Variants in HIVEP3 observed in about 807,000 individuals in gnomAD.
The protein encoded by HIVEP3 is HIVEP zinc finger 3.
A neutral mutation model predicts 152.8 loss-of-function variants in HIVEP3; 49 were observed. The ratio of observed to expected loss-of-function variants is 0.32; its 90% CI spans 0.26 to 0.41. HIVEP3 has a LOEUF of 0.41. Ranked by LOEUF, HIVEP3 falls within the 10% of genes least tolerant of loss-of-function variation. HIVEP3 has a pLI of 1.00. For synonymous variants in HIVEP3, 1,269 were observed against 1,289.0 expected, an observed-to-expected ratio of 0.98 and a Z score of 0.33; for missense variants, 2,790 against 3,103.3, an observed-to-expected ratio of 0.90 and a Z score of 2.40.
chr1:41,958,507 A>G (rs1398321564), intron 1 of HIVEP3, among the ~76,000 whole-genome samples: 1 of 152,204 alleles, frequency 6.6e-6, no homozygotes, highest in Non-Finnish European at 1.5e-5. Context: ...CAATCCTCAT[A>G]AAGTAGAAGA....
At position 41,643,890 on chromosome 1, in the gene HIVEP3, C is replaced by CTTTTTTTTTTTT. The variant is rs58838768; in HGVS notation, c.-720-14955_-720-14944dup. Among the ~76,000 whole-genome samples, 41 of 71,978 alleles carry CTTTTTTTTTTTT rather than the reference C, an allele frequency of 5.7e-4. 4 individuals are homozygous for CTTTTTTTTTTTT. Among genetic ancestry groups the CTTTTTTTTTTTT allele is most frequent in the African/African-American group, 2.1e-3 (35 of 16,312 alleles). 47.2% of individuals were successfully genotyped at this position (71,978 alleles called of 152,430 possible). On this transcript the variant is annotated intron_variant, in intron 2 of 8. Coordinates refer to ENST00000372583, the MANE Select transcript of HIVEP3 (RefSeq NM_024503.5). The stretch of plus-strand genomic sequence containing the variant: ...CAAATTGTGTCTGCCTTCCCATCCT[C>CTTTTTTTTTTTT]TTTTTTTTTTTTTTTTGACAGGGTC...
At chr1:41,916,246 G>A (rs928970416) in intron 1 of HIVEP3, among the ~76,000 whole-genome samples, 6 of 152,240 alleles carry the variant, frequency 3.9e-5, no homozygotes, top group Admixed American at 1.3e-4. Flanking sequence ...CACAATGGGC[G>A]GAGACAGCTC....
intron 1 of HIVEP3, among the ~76,000 whole-genome samples, chr1:41,788,095 C>A (rs1394794397): frequency 6.6e-6 from 1 of 152,186 alleles, no homozygotes; most frequent in Non-Finnish European, 1.5e-5. Context: ...CACCTCTGTC[C>A]AGAGTCAGAA....
intron 1 of HIVEP3, among the ~76,000 whole-genome samples, chr1:41,940,849 G>A (rs1645042051): frequency 6.6e-6 from 1 of 151,736 alleles, no homozygotes; most frequent in South Asian, 2.1e-4. Context: ...AGACAGAGGA[G>A]AGAGAGGGGG....
At chr1:41,668,119 A>T (rs1445766921) in intron 2 of HIVEP3, among the ~76,000 whole-genome samples, 2 of 152,166 alleles carry the variant, frequency 1.3e-5, no homozygotes, top group Non-Finnish European at 2.9e-5. Flanking sequence ...GATTGATATA[A>T]TCCATGTGGC....
At chr1:41,949,610 A>G (rs916443449) in intron 1 of HIVEP3, among the ~76,000 whole-genome samples, 89 of 152,178 alleles carry the variant, frequency 5.8e-4, no homozygotes, top group Non-Finnish European at 1.0e-4. Context: ...GCTTCAAAAC[A>G]CTGGACCCTG....
chr1:42,034,629 C>T (rs1645630839), intron 1 of HIVEP3, among the ~76,000 whole-genome samples: 1 of 152,144 alleles, frequency 6.6e-6, no homozygotes, highest in South Asian at 2.1e-4. Context: ...AAATGAGGAA[C>T]CAGTAATGCC....
chr1:41,810,628 C>CA (rs1228385932), intron 1 of HIVEP3, among the ~76,000 whole-genome samples: 3 of 152,224 alleles, frequency 2.0e-5, no homozygotes, highest in Non-Finnish European at 4.4e-5. Context: ...GTGCATGCCT[C>CA]AGCCCTTTGG....
At chr1:41,527,864 CCTGTCG>C (rs1558030639) in intron 5 of HIVEP3, among the ~76,000 whole-genome samples, 1 of 148,142 alleles carries the variant, frequency 6.8e-6, no homozygotes, top group South Asian at 2.2e-4. Flanking sequence ...CCCTCACACC[CCTGTCG>C]TCACACATTC....
chr1:41,723,616 A>G (rs1364013477), intron 1 of HIVEP3, among the ~76,000 whole-genome samples: 3 of 152,114 alleles, frequency 2.0e-5, no homozygotes, highest in Non-Finnish European at 4.4e-5. Flanking sequence ...CTACTTGTAC[A>G]TTTCATTTTA....
chr1:41,902,329 G>T (rs182201357), intron 1 of HIVEP3, among the ~76,000 whole-genome samples: 1 of 152,206 alleles, frequency 6.6e-6, no homozygotes, highest in South Asian at 2.1e-4. Flanking sequence ...CAGAGTGGTC[G>T]GTAGGAGAGT....
At chr1:41,897,957 G>GAGAGAGAT (rs1557498828) in intron 1 of HIVEP3, among the ~76,000 whole-genome samples, 3 of 142,650 alleles carry the variant, frequency 2.1e-5, no homozygotes, top group African/African-American at 8.2e-5. Flanking sequence ...GAGAGAGAGA[G>GAGAGAGAT]AGAGAGAGAG....
intron 2 of HIVEP3, among the ~76,000 whole-genome samples, chr1:41,648,858 C>T (rs1307906237): frequency 6.6e-6 from 1 of 152,238 alleles, no homozygotes; most frequent in African/African-American, 2.4e-5. Context: ...ATCGTATGCT[C>T]CACTTAGCCC....
rs1553253035 is a variant in HIVEP3, at chr1:41,722,403, G to GCCTGCCTTGCTTCCTTCCTT, written c.-800-21409_-800-21408insAAGGAAGGAAGCAAGGCAGG. Among the ~76,000 whole-genome samples, 11 of 112,966 alleles carry GCCTGCCTTGCTTCCTTCCTT rather than the reference G, an allele frequency of 9.7e-5. 1 individual carries two copies. Among genetic ancestry groups the GCCTGCCTTGCTTCCTTCCTT allele is most frequent in the African/African-American group, 3.3e-4 (9 of 27,542 alleles). The allele number at this position is 112,966 out of a possible 152,430, so 74.1% of individuals were successfully genotyped here. A position where few individuals can be genotyped will look rare whatever the true frequency, so the allele number is the denominator to read the frequency against. ...GAGATCAGCAAAATAAATTTGGCTG[G>GCCTGCCTTGCTTCCTTCCTT]CCTTCCTTCCTTCCTTCCTTCCTTC... On this transcript the variant is annotated intron_variant, in intron 1 of 8. Transcript: ENST00000372583.
Position 41,539,491 on chromosome 1 carries a change from G to C in HIVEP3, c.5208-14581C>G, listed in dbSNP as rs140942681. ...CCCAGAGCACAGAAGCCCTCAGGTG[G>C]GGCTGGACCTAGCCCAGGCCGATGC... On this transcript the variant is annotated intron_variant, in intron 5 of 8. Coordinates refer to ENST00000372583, the MANE Select transcript of HIVEP3 (RefSeq NM_024503.5). Among the ~76,000 whole-genome samples, 1,160 of 152,316 alleles carry C rather than the reference G, an allele frequency of 7.6e-3. 13 individuals carry two copies. The highest frequency in any genetic ancestry group is 0.034 in the Middle Eastern group (10 of 294).
intron 2 of HIVEP3, among the ~76,000 whole-genome samples, chr1:41,657,665 T>C (rs1263396886): frequency 6.6e-6 from 1 of 152,256 alleles, no homozygotes; most frequent in Non-Finnish European, 1.5e-5. Flanking sequence ...ATGAGACATC[T>C]GTCACCCTGT....
chr1:41,565,586 T>C (rs1397145647), intron 5 of HIVEP3, among the ~76,000 whole-genome samples: 1 of 151,816 alleles, frequency 6.6e-6, no homozygotes, highest in Non-Finnish European at 1.5e-5. Context: ...CGAGCACATA[T>C]GCCTCTGTTC....
chr1:41,600,054 A>G (rs540473013), intron 3 of HIVEP3, among the ~76,000 whole-genome samples: 1 of 152,336 alleles, frequency 6.6e-6, no homozygotes, highest in African/African-American at 2.4e-5. Flanking sequence ...ACAACAAAAA[A>G]AAGAAAAAGA....
chr1:41,842,544 T>C (rs1001639024), intron 1 of HIVEP3, among the ~76,000 whole-genome samples: 1 of 152,092 alleles, frequency 6.6e-6, no homozygotes, highest in Non-Finnish European at 1.5e-5. Context: ...GCTTTATCCA[T>C]GCCAATCAGG....
Sources: gnomAD v4.1 joint callset for allele counts (sites outside exome capture counted in the v4.1 genomes callset) on GRCh38, gnomAD v4.1.1 for gene constraint, MANE v1.5 for transcripts, NCBI Gene and HGNC (gene_info 2026-07-23, HGNC 2026-07-21) for gene names.